The following DAG1 variants were observed in gnomAD, a reference collection of about 807,000 sequenced individuals.
DAG1 encodes the protein dystroglycan 1 (dystrophin-associated glycoprotein 1).
DAG1 carries 8 observed loss-of-function variants against 46.1 expected under a neutral mutation model. The ratio of observed to expected loss-of-function variants is 0.17; its 90% confidence interval spans 0.10 to 0.31. The LOEUF (loss-of-function observed/expected upper bound fraction) is 0.31. Among genes scored for constraint, DAG1 ranks in the 10% least tolerant of loss-of-function variants. The pLI, the probability that DAG1 is intolerant of heterozygous loss-of-function variation, is 1.00. For missense variants in DAG1, 1,003 were observed against 1,189.9 expected, an observed-to-expected ratio of 0.84 and a Z score of 2.31; for synonymous variants, 495 against 481.8, an observed-to-expected ratio of 1.03 and a Z score of -0.36.
chr3:49,481,592 C>T (rs1225230505), intron 1 of DAG1, among the ~76,000 whole-genome samples: 1 of 152,012 alleles, frequency 6.6e-6, no homozygotes, highest in East Asian at 1.9e-4. Context: ...GTTCCCTGCC[C>T]TTGGGGACAT....
intron 2 of DAG1, among the ~76,000 whole-genome samples, chr3:49,523,666 AAGG>A (rs1481625279): frequency 6.6e-6 from 1 of 152,166 alleles, no homozygotes; most frequent in Non-Finnish European, 1.5e-5. Flanking sequence ...GTCAGTTGGG[AAGG>A]AGAACTAGGG....
intron 2 of DAG1, among the ~76,000 whole-genome samples, chr3:49,521,091 T>C (rs550339756): frequency 6.6e-6 from 1 of 152,290 alleles, no homozygotes; most frequent in Admixed American, 6.5e-5. Context: ...AGGTGTGGAA[T>C]GGTACTGGCT....
At chr3:49,499,177 CT>C (rs1201703987) in intron 1 of DAG1, among the ~76,000 whole-genome samples, 3 of 152,106 alleles carry the variant, frequency 2.0e-5, no homozygotes, top group African/African-American at 7.2e-5. Context: ...CCCAACTTTT[CT>C]TTTATTCTTG....
intron 1 of DAG1, among the ~76,000 whole-genome samples, chr3:49,478,005 A>G (rs893236818): frequency 3.3e-5 from 5 of 151,428 alleles, no homozygotes; most frequent in Admixed American, 2.6e-4. Flanking sequence ...GGTGGCTCAC[A>G]CCTGTAATCC....
rs558822345 is a variant in DAG1, at chr3:49,478,448, A to T, written c.-117+8015A>T. 7.7e-4 allele frequency among the ~76,000 whole-genome samples: 115 copies of T among 149,864 alleles called. 2 individuals are homozygous for T. The highest frequency in any genetic ancestry group is 2.5e-3 in the African/African-American group (103 of 41,128). ...TGTCTCTACAAAAAATAAAAAAAAA[A>T]AAAAAAATTAGTTGAGTGTGGTGGC... On this transcript the variant is annotated intron_variant, in intron 1 of 2. Transcript: ENST00000308775.
intron 1 of DAG1, among the ~76,000 whole-genome samples, chr3:49,483,669 A>G (rs2049943162): frequency 7.4e-6 from 1 of 135,826 alleles, no homozygotes; most frequent in Admixed American, 7.3e-5. Context: ...ATGATTGAAG[A>G]AATTGTGTTT....
rs1293404683 is a variant in DAG1 at position 49,531,138 on chromosome 3, C to T, written c.627C>T (p.Asp209=). ...LTKMTPKQRI[D]LLHRMRSFSE... is the part of the protein sequence containing the mutation. Reference sequence around the variant, plus strand: ...AGATGACCCCAAAGCAAAGGATTGACCTCCTGCACAGGATGCGGAGCTTCT... The same window carrying T: ...AGATGACCCCAAAGCAAAGGATTGATCTCCTGCACAGGATGCGGAGCTTCT... The change falls in exon 3 of 3, where the codon GAC becomes GAT. Residue 209 remains aspartate (D), a synonymous_variant. Coordinates refer to ENST00000308775, the MANE Select transcript of DAG1 (RefSeq NM_004393.6). The surrounding 1 kb of genome is among the most constrained non-coding windows in gnomAD (Gnocchi z 7.0). 6 of 1,614,068 alleles carry T rather than the reference C, an allele frequency of 3.7e-6. No individual in the cohort carries two copies. In the South Asian group the frequency reaches 4.4e-5, roughly 12 times the overall value.
At chr3:49,527,373 A>C (rs945793698) in intron 2 of DAG1, among the ~76,000 whole-genome samples, 1 of 152,074 alleles carries the variant, frequency 6.6e-6, no homozygotes, top group Non-Finnish European at 1.5e-5. Flanking sequence ...AAATACAAAA[A>C]ATTAGCCGGG....
In DAG1 at chr3:49,530,316, A is replaced by T. The variant is rs147479088; in HGVS notation, c.286-481A>T. 1.4e-3 allele frequency among the ~76,000 whole-genome samples: 214 copies of T among 152,270 alleles called. 2 individuals carry two copies. Among genetic ancestry groups the T allele is most frequent in the African/African-American group, 4.9e-3 (203 of 41,550 alleles). ...GTGTGCATCTCCACTTTGGGGCAGG[A>T]ATGGTCCTCCAGGCCAGGCATGTGA... On this transcript the variant is annotated intron_variant, in intron 2 of 2. Transcript: ENST00000308775.
At chr3:49,489,171 C>G (rs181270015) in intron 1 of DAG1, among the ~76,000 whole-genome samples, 6 of 152,070 alleles carry the variant, frequency 3.9e-5, no homozygotes, top group African/African-American at 1.2e-4. Flanking sequence ...TCTTGGCTCA[C>G]CGCAACCTCT....
chr3:49,523,954 G>A (rs554033520), intron 2 of DAG1, among the ~76,000 whole-genome samples: 45 of 152,340 alleles, frequency 3.0e-4, no homozygotes, highest in African/African-American at 1.1e-3. Context: ...TATCCCCATT[G>A]TTATGGGGAT....
chr3:49,510,966 C>T (rs2050747533), intron 2 of DAG1, 147 bp downstream of exon 2: 1 of 1,516,634 alleles, frequency 6.6e-7, no homozygotes, highest in African/African-American at 1.4e-5. Context: ...CACTGATGTT[C>T]ATAAGAGAAT....
intron 1 of DAG1, among the ~76,000 whole-genome samples, chr3:49,478,552 A>ATTTTTTTTTTTTT (rs2049764573): frequency 1.9e-5 from 1 of 52,434 alleles, no homozygotes. Context: ...TTTTTTTTTT[A>ATTTTTTTTTTTTT]AATTTTTTGT....
chr3:49,472,590 G>A (rs1252250459), intron 1 of DAG1, among the ~76,000 whole-genome samples: 1 of 151,908 alleles, frequency 6.6e-6, no homozygotes, highest in Non-Finnish European at 1.5e-5. Context: ...GGCGGATCAC[G>A]AGGTCAGGAG....
chr3:49,509,345 C>A (rs951180991), intron 1 of DAG1, among the ~76,000 whole-genome samples: 1 of 152,076 alleles, frequency 6.6e-6, no homozygotes, highest in Non-Finnish European at 1.5e-5. Flanking sequence ...CCCAGGAGTT[C>A]AAGGTTACAT....
At chr3:49,470,618 G>A (rs1490277567) in intron 1 of DAG1, 185 bp downstream of exon 1, 2 of 152,178 alleles carry the variant, frequency 1.3e-5, no homozygotes, top group African/African-American at 4.8e-5. Flanking sequence ...CTTTGCTCTG[G>A]GTCCCGCAGG....
chr3:49,501,870 C>A (rs371245506), intron 1 of DAG1, among the ~76,000 whole-genome samples: 81 of 150,032 alleles, frequency 5.4e-4, no homozygotes, highest in African/African-American at 1.8e-3. Context: ...GTAAAGAAAA[C>A]ACTATGCAAC....
chr3:49,504,757 G>A (rs1003529964), intron 1 of DAG1, among the ~76,000 whole-genome samples: 1 of 125,930 alleles, frequency 7.9e-6, no homozygotes, highest in Non-Finnish European at 1.6e-5. Context: ...ACCACGCCCA[G>A]CTAATTTTTT....
At chr3:49,528,691 A>T (rs1210499224) in intron 2 of DAG1, among the ~76,000 whole-genome samples, 1 of 152,076 alleles carries the variant, frequency 6.6e-6, no homozygotes, top group Non-Finnish European at 1.5e-5. Flanking sequence ...AACATTTCTG[A>T]TGTTTGATGG....
Sources: allele counts gnomAD v4.1 joint callset (sites outside exome capture counted in the v4.1 genomes callset), GRCh38; gene constraint gnomAD v4.1.1; non-coding constraint Gnocchi (gnomAD v3.1); transcripts MANE v1.5; gene names NCBI Gene and HGNC (gene_info 2026-07-23, HGNC 2026-07-21).